The following HOMER2 variants were observed in gnomAD, a reference collection of about 807,000 sequenced individuals.
HOMER2 encodes homer scaffold protein 2.
HOMER2 carries 27 observed loss-of-function variants against 47.0 expected under a neutral mutation model. That is an observed-to-expected ratio of 0.57 (90% CI 0.42 to 0.79). HOMER2 has a LOEUF of 0.79. Ranked by LOEUF, HOMER2 falls within the 30% of genes least tolerant of loss-of-function variation. The pLI, the probability that HOMER2 is intolerant of heterozygous loss-of-function variation, is 0.00. For synonymous variants in HOMER2, 161 were observed against 163.8 expected (o/e 0.98, Z 0.13); for missense variants, 443 against 435.0 (o/e 1.02, Z -0.16).
intron 1 of HOMER2, among the ~76,000 whole-genome samples, chr15:82,900,924 T>G (rs2053093722): frequency 6.6e-6 from 1 of 152,228 alleles, no homozygotes; most frequent in African/African-American, 2.4e-5. Context: ...CCTAGTCCTC[T>G]GACTAGGAAT....
chr15:82,875,534 C>A, intron 2 of HOMER2, 130 bp from the exon 3 acceptor site: 2 of 927,620 alleles, frequency 2.2e-6, no homozygotes, highest in Middle Eastern at 2.9e-4. Flanking sequence ...TTTGGTCCCG[C>A]GTTCTCCTGG....
At chr15:82,982,364 T>G (rs2030422262) in intron 1 of HOMER2, among the ~76,000 whole-genome samples, 2 of 152,114 alleles carry the variant, frequency 1.3e-5, no homozygotes, top group African/African-American at 2.4e-5. Flanking sequence ...TGTCAGAAAA[T>G]GAGACATAAT....
chr15:82,840,329 CAG>C (rs1355743534), exon 2 of HOMER2: 13 of 151,938 alleles, frequency 8.6e-5, no homozygotes, highest in African/African-American at 2.4e-4. Context: ...ATCAATGAAA[CAG>C]AGTAATTCTG....
rs2053508694 is a variant in HOMER2 at position 82,913,730 on chromosome 15, C to T, written c.6-20889G>A. Among the ~76,000 whole-genome samples, 1 of 152,204 alleles carries T rather than the reference C, an allele frequency of 6.6e-6. No individual in the cohort carries two copies. The highest frequency in any genetic ancestry group is 1.5e-5 in the Non-Finnish European group (1 of 68,034). ...ACCCTTCCTCCAGAATCCCCCACTG[C>T]CAGTCCCTCATCCTGGCTCCCTGGG... On this transcript the variant is annotated intron_variant, in intron 1 of 8. Transcript: ENST00000450735. This position sits in a 1 kb window ranked among gnomAD's most constrained non-coding sequence, Gnocchi z 4.1.
At chr15:82,923,350 G>C (rs2053778932) in intron 1 of HOMER2, among the ~76,000 whole-genome samples, 1 of 151,990 alleles carries the variant, frequency 6.6e-6, no homozygotes, top group Non-Finnish European at 1.5e-5. Context: ...AGAGGGGTCT[G>C]GTGACACGTG....
chr15:82,910,362 A>G lies in HOMER2; in HGVS notation c.6-17521T>C, dbSNP rs570094017. Among the ~76,000 whole-genome samples the G allele has an allele frequency of 2.6e-5, 4 of 152,236 alleles. 1 individual carries two copies. The East Asian group carries it at 7.7e-4, about 29-fold the overall frequency. ...TTAGAAAGAAGGAACGCTGCCGAGGAGTCCAGTGGGGTGAGTCGGTGAGAG... is the reference window on the plus strand; with the variant it reads ...TTAGAAAGAAGGAACGCTGCCGAGGGGTCCAGTGGGGTGAGTCGGTGAGAG... On this transcript the variant is annotated intron_variant, in intron 1 of 8. Coordinates refer to ENST00000450735, the MANE Select transcript of HOMER2 (RefSeq NM_004839.4).
chr15:82,935,240 A>G (rs548765489), intron 1 of HOMER2, among the ~76,000 whole-genome samples: 20 of 152,098 alleles, frequency 1.3e-4, no homozygotes, highest in African/African-American at 4.1e-4. Flanking sequence ...CCTGCTCCCC[A>G]GCCTCGCACT....
chr15:82,857,679 C>T (rs1172849863), intron 5 of HOMER2, among the ~76,000 whole-genome samples: 1 of 152,116 alleles, frequency 6.6e-6, no homozygotes, highest in African/African-American at 2.4e-5. Flanking sequence ...GATCCAGCCA[C>T]CTCGGCCTCC....
At chr15:82,893,625 C>CTT (rs537549847) in intron 1 of HOMER2, among the ~76,000 whole-genome samples, 1,699 of 134,958 alleles carry the variant, frequency 0.013, 17 homozygotes, top group Middle Eastern at 0.031. Context: ...GCCACTGCGC[C>CTT]TTTTTTTTTT....
upstream of HOMER2, among the ~76,000 whole-genome samples, chr15:82,957,537 C>G (rs1225842468): frequency 1.3e-5 from 2 of 152,146 alleles, no homozygotes; most frequent in African/African-American, 4.8e-5. Context: ...TTGTGTACTT[C>G]CTGCCAGATA....
chr15:82,912,396 T>A (rs1417052831), intron 1 of HOMER2, among the ~76,000 whole-genome samples: 1 of 152,254 alleles, frequency 6.6e-6, no homozygotes, highest in East Asian at 1.9e-4. Context: ...CTGAGGTTGA[T>A]CCATGTCAAT....
At chr15:82,951,900 G>T in intron 1 of HOMER2, 1 of 251,272 alleles carries the variant, frequency 4.0e-6, no homozygotes, top group Non-Finnish European at 6.3e-6. Context: ...GAGACGCCGA[G>T]GGGAAAGCTT....
At chr15:82,904,312 G>A (rs1174606550) in intron 1 of HOMER2, among the ~76,000 whole-genome samples, 4 of 152,168 alleles carry the variant, frequency 2.6e-5, no homozygotes, top group African/African-American at 7.2e-5. Context: ...GAGTGCCAGG[G>A]CAGGAAAACC....
upstream of HOMER2, chr15:82,952,738 G>A (rs2054537286): frequency 1.0e-6 from 1 of 979,138 alleles, no homozygotes; most frequent in South Asian, 4.7e-5. Context: ...CGGGGGCTGG[G>A]CGGCCGCGCT....
exon 2 of HOMER2, chr15:82,843,145 G>A (rs1024939842): frequency 6.6e-6 from 1 of 152,122 alleles, no homozygotes; most frequent in African/African-American, 2.4e-5. Flanking sequence ...CTTGCCATCA[G>A]AATTGGGAAG....
intron 1 of HOMER2, among the ~76,000 whole-genome samples, chr15:82,905,693 C>A (rs1391002882): frequency 2.6e-5 from 4 of 152,088 alleles, no homozygotes; most frequent in African/African-American, 9.7e-5. Flanking sequence ...AAAGCACACA[C>A]CAACCTATAA....
intron 2 of HOMER2, among the ~76,000 whole-genome samples, chr15:82,878,761 G>A (rs567984266): frequency 2.0e-5 from 3 of 152,272 alleles, no homozygotes; most frequent in East Asian, 1.9e-4. Context: ...CCAAGTAGCT[G>A]GGATTACAGG....
intron 1 of HOMER2, among the ~76,000 whole-genome samples, chr15:82,974,574 G>C (rs1399081790): frequency 6.6e-6 from 1 of 152,138 alleles, no homozygotes; most frequent in Non-Finnish European, 1.5e-5. Context: ...CCTAGGTAAG[G>C]GTCACAGTTC....
chr15:82,848,168 G>A (rs970492042), downstream of HOMER2, among the ~76,000 whole-genome samples: 1 of 152,164 alleles, frequency 6.6e-6, no homozygotes, highest in Non-Finnish European at 1.5e-5. Context: ...GGGAAGGAGA[G>A]CAGGAGGACT....
Sources: gnomAD v4.1 joint callset for allele counts (sites outside exome capture counted in the v4.1 genomes callset) on GRCh38, gnomAD v4.1.1 for gene constraint, Gnocchi (gnomAD v3.1) non-coding constraint, MANE v1.5 for transcripts, NCBI Gene and HGNC (gene_info 2026-07-23, HGNC 2026-07-21) for gene names.